Variants in ZNF704 observed in about 807,000 individuals in gnomAD.
ZNF704 encodes zinc finger protein 704.
ZNF704 carries 10 observed loss-of-function variants against 44.7 expected under a neutral mutation model. The ratio of observed to expected loss-of-function variants is 0.22; its 90% CI spans 0.14 to 0.38. ZNF704 has a LOEUF of 0.38. ZNF704 is among the 10% of genes least tolerant of loss of function. The probability of loss-of-function intolerance (pLI) is 1.00; values close to 1 mark genes in which losing one functional copy is unlikely to be tolerated. For missense variants in ZNF704, 390 were observed against 545.5 expected (o/e 0.71, Z 2.84); for synonymous variants, 211 against 207.6 (o/e 1.02, Z -0.14).
At chr8:80,700,521 C>T (rs1433613892) in intron 2 of ZNF704, among the ~76,000 whole-genome samples, 1 of 152,184 alleles carries the variant, frequency 6.6e-6, no homozygotes, top group Non-Finnish European at 1.5e-5. Context: ...TTATTATCCT[C>T]CTCTTTTACC....
At chr8:80,726,202 T>C (rs1585983142) in intron 2 of ZNF704, among the ~76,000 whole-genome samples, 3 of 152,130 alleles carry the variant, frequency 2.0e-5, no homozygotes, top group African/African-American at 7.2e-5. Context: ...AAACAAATTA[T>C]TCAGATTAAC....
At chr8:80,684,724 T>C (rs753342302) in intron 4 of ZNF704, among the ~76,000 whole-genome samples, 1 of 152,238 alleles carries the variant, frequency 6.6e-6, no homozygotes, top group South Asian at 2.1e-4. Context: ...CTTGTAATTA[T>C]TGCCTTTTTA....
chr8:80,660,998 G>A (rs902572712), intron 6 of ZNF704, among the ~76,000 whole-genome samples: 3 of 152,156 alleles, frequency 2.0e-5, no homozygotes, highest in African/African-American at 7.2e-5. Context: ...AATCAACAGC[G>A]TGAAGAGCAA....
intron 2 of ZNF704, among the ~76,000 whole-genome samples, chr8:80,741,453 T>C (rs1340197298): frequency 6.6e-6 from 1 of 152,198 alleles, no homozygotes; most frequent in Non-Finnish European, 1.5e-5. Context: ...TTGGCCTCAT[T>C]GTTTACAGGT....
chr8:80,752,556 AAC>A (rs935545404), intron 2 of ZNF704, among the ~76,000 whole-genome samples: 5 of 151,712 alleles, frequency 3.3e-5, no homozygotes, highest in African/African-American at 1.2e-4. Flanking sequence ...AAAAAAAAAA[AAC>A]GAAACAGAGT....
intron 7 of ZNF704, among the ~76,000 whole-genome samples, chr8:80,652,156 A>T (rs1293322328): frequency 6.6e-6 from 1 of 152,214 alleles, no homozygotes; most frequent in Non-Finnish European, 1.5e-5. Flanking sequence ...TCTCTGGGTC[A>T]CATTCAAAGC....
upstream of ZNF704, among the ~76,000 whole-genome samples, chr8:80,879,613 C>G (rs1809400150): frequency 2.0e-5 from 3 of 152,244 alleles, no homozygotes; most frequent in South Asian, 6.2e-4. Flanking sequence ...ATTTCATGAG[C>G]CTTCCCTGCT....
intron 4 of ZNF704, among the ~76,000 whole-genome samples, chr8:80,675,775 A>C (rs73691968): frequency 0.11 from 16,257 of 152,116 alleles, 2,921 homozygotes; most frequent in African/African-American, 0.37. Context: ...TGAGATGCCT[A>C]TTATGTATCA....
chr8:80,654,087 G>A (rs1817968071), intron 7 of ZNF704, among the ~76,000 whole-genome samples: 2 of 152,030 alleles, frequency 1.3e-5, no homozygotes, highest in Admixed American at 1.3e-4. Context: ...CAAGAAATGG[G>A]GAAAGGATTC....
intron 1 of ZNF704, among the ~76,000 whole-genome samples, chr8:80,848,763 A>T (rs1466213087): frequency 6.6e-6 from 1 of 151,786 alleles, no homozygotes; most frequent in Non-Finnish European, 1.5e-5. Context: ...ATGGAGTGAG[A>T]CCCTGTCTCA....
At chr8:80,668,268 A>T (rs1818226316) in intron 5 of ZNF704, among the ~76,000 whole-genome samples, 1 of 152,246 alleles carries the variant, frequency 6.6e-6, no homozygotes, top group African/African-American at 2.4e-5. Context: ...CTGACTCGGA[A>T]CATACCTTTT....
At chr8:80,861,991 C>CTTTTTTTTTTTTTTTTTTTTTTTTT (rs71266093) in intron 1 of ZNF704, among the ~76,000 whole-genome samples, 2 of 92,996 alleles carry the variant, frequency 2.2e-5, no homozygotes, top group African/African-American at 1.1e-4. Flanking sequence ...AAAAAATAAC[C>CTTTTTTTTTTTTTTTTTTTTTTTTT]TTTTTTTTTT....
intron 7 of ZNF704, among the ~76,000 whole-genome samples, chr8:80,648,268 C>T (rs114140703): frequency 8.3e-4 from 127 of 152,302 alleles, no homozygotes; most frequent in African/African-American, 2.7e-3. Flanking sequence ...AATGACCCCT[C>T]GCCAAAGTCC....
In ZNF704 at chr8:80,687,267, T is replaced by C. The variant is rs747399727; in HGVS notation, c.517A>G (p.Ser173Gly). The C allele has an allele frequency of 4.3e-6, 7 of 1,613,118 alleles. No individual in the cohort carries two copies. Among genetic ancestry groups the C allele is most frequent in the Admixed American group, 1.7e-5 (1 of 60,022 alleles). ...PDDGIDEAEA[S>G]NLLFDEPIPR... is the part of the protein sequence containing the mutation. Reference sequence around the variant, plus strand: ...ATGGGCTCGTCGAAGAGCAGGTTGCTGGCCTCCGCCTCGTCGATGCCGTCG... The same window carrying C: ...ATGGGCTCGTCGAAGAGCAGGTTGCCGGCCTCCGCCTCGTCGATGCCGTCG... The change falls in exon 4 of 9, where the codon AGC (serine) becomes GGC (glycine). Residue 173 changes from serine to glycine, a missense_variant. This residue lies in a region of ZNF704 where 305 missense variants were observed against 435.7 expected (regional missense o/e 0.70). Coordinates refer to ENST00000327835, the MANE Select transcript of ZNF704 (RefSeq NM_001033723.3).
intron 2 of ZNF704, among the ~76,000 whole-genome samples, chr8:80,708,396 G>C (rs868159723): frequency 6.6e-6 from 1 of 152,180 alleles, no homozygotes; most frequent in Non-Finnish European, 1.5e-5. Flanking sequence ...ATCCAGTTTC[G>C]TGTAATAGGA....
chr8:80,729,693 G>A (rs1472585232), intron 2 of ZNF704, among the ~76,000 whole-genome samples: 1 of 152,176 alleles, frequency 6.6e-6, no homozygotes, highest in Non-Finnish European at 1.5e-5. Context: ...TGCAGTCTGG[G>A]GAAATGCTGA....
chr8:80,715,063 C>G (rs1002797819), intron 2 of ZNF704, among the ~76,000 whole-genome samples: 2 of 152,170 alleles, frequency 1.3e-5, no homozygotes, highest in African/African-American at 4.8e-5. Context: ...AATTAAATTA[C>G]TCATTAAAAT....
At chr8:80,785,043 T>A (rs937130540) in intron 2 of ZNF704, among the ~76,000 whole-genome samples, 1 of 152,174 alleles carries the variant, frequency 6.6e-6, no homozygotes, top group Non-Finnish European at 1.5e-5. Context: ...GTATTCAGAT[T>A]TCCTTGATTT....
intron 1 of ZNF704, among the ~76,000 whole-genome samples, chr8:80,839,732 AGG>A (rs1270261527): frequency 2.6e-5 from 4 of 152,176 alleles, no homozygotes; most frequent in Non-Finnish European, 5.9e-5. Context: ...AGATGACTGT[AGG>A]GGGACCTTAA....
Sources: gnomAD v4.1 joint callset for allele counts (sites outside exome capture counted in the v4.1 genomes callset) on GRCh38, gnomAD v4.1.1 for gene constraint, gnomAD v4.1.1 regional missense constraint, MANE v1.5 for transcripts, NCBI Gene and HGNC (gene_info 2026-07-23, HGNC 2026-07-21) for gene names.